The following WDFY4 variants were observed in gnomAD, a reference collection of about 807,000 sequenced individuals.
The protein encoded by WDFY4 is WD repeat- and FYVE domain-containing protein 4.
Under a neutral mutation model 351.9 loss-of-function variants are expected in WDFY4, and 169 were observed. The observed-to-expected ratio is 0.48, with a 90% confidence interval of 0.42 to 0.55. The LOEUF is 0.55. WDFY4 is among the 20% of genes least tolerant of loss of function. The pLI is 0.00. For synonymous variants in WDFY4, 1,622 were observed against 1,574.6 expected (o/e 1.03, Z -0.71); for missense variants, 3,803 against 3,935.6 (o/e 0.97, Z 0.90).
intron 39 of WDFY4, among the ~76,000 whole-genome samples, chr10:48,860,684 G>A (rs1218626109): frequency 2.6e-5 from 4 of 152,094 alleles, no homozygotes; most frequent in African/African-American, 7.2e-5. Context: ...CCTCTCAATA[G>A]TGATTTAGCT....
chr10:48,691,653 G>T (rs539721512), intron 1 of WDFY4, among the ~76,000 whole-genome samples: 1 of 152,348 alleles, frequency 6.6e-6, no homozygotes, highest in Non-Finnish European at 1.5e-5. Flanking sequence ...GGCATAAAGA[G>T]AAATATTTGT....
intron 13 of WDFY4, among the ~76,000 whole-genome samples, chr10:48,774,038 C>T (rs888894132): frequency 3.3e-5 from 5 of 152,228 alleles, no homozygotes; most frequent in African/African-American, 1.2e-4. Context: ...GCCAGATCGT[C>T]CCATCTTTTG....
intron 11 of WDFY4, chr10:48,736,296 A>G (rs2064665300): frequency 1.6e-6 from 1 of 618,854 alleles, no homozygotes; most frequent in East Asian, 2.7e-5. Flanking sequence ...ATGATTGGTG[A>G]CTGTCATTAA....
At chr10:48,796,210 G>C (rs2940706) in intron 23 of WDFY4, 88 bp from the exon 24 acceptor site, 87,263 of 1,427,286 alleles carry the variant, frequency 0.061, 3,321 homozygotes, top group African/African-American at 0.17. Flanking sequence ...AGAGCAGAAG[G>C]TTTGCAGACT....
At chr10:48,853,992 C>A (rs983493551) in intron 39 of WDFY4, among the ~76,000 whole-genome samples, 1 of 152,156 alleles carries the variant, frequency 6.6e-6, no homozygotes, top group Non-Finnish European at 1.5e-5. Flanking sequence ...AGAGTATAAC[C>A]AATTCTGGAC....
At chr10:48,916,015 A>AT (rs1277783891) in intron 47 of WDFY4, among the ~76,000 whole-genome samples, 2 of 152,212 alleles carry the variant, frequency 1.3e-5, no homozygotes, top group East Asian at 3.8e-4. Flanking sequence ...TCCAGTTAAG[A>AT]TTTTGTATGC....
At chr10:48,819,903 T>C (rs1484975690) in intron 32 of WDFY4, among the ~76,000 whole-genome samples, 1 of 152,178 alleles carries the variant, frequency 6.6e-6, no homozygotes. Context: ...ATGGTTTTTA[T>C]TGTCTCTATT....
chr10:48,887,771 TC>T (rs1266493867), intron 43 of WDFY4, among the ~76,000 whole-genome samples: 1 of 82,114 alleles, frequency 1.2e-5, no homozygotes, highest in Non-Finnish European at 2.7e-5. Flanking sequence ...AGAGCGAGAC[TC>T]CATCTCAAAA....
At chr10:48,727,441 C>T in intron 6 of WDFY4, 29 bp from the exon 7 acceptor site, 2 of 1,544,154 alleles carry the variant, frequency 1.3e-6, no homozygotes, top group African/African-American at 2.7e-5. Flanking sequence ...CCAAGCTCAG[C>T]AGGTCTCTCC....
intron 47 of WDFY4, among the ~76,000 whole-genome samples, chr10:48,918,750 G>C (rs914212005): frequency 1.5e-5 from 1 of 68,062 alleles, no homozygotes; most frequent in Non-Finnish European, 3.9e-5. Context: ...TTGTCAGCAG[G>C]GGGTAGGATG....
chr10:48,964,908 G>A (rs530316884), intron 54 of WDFY4, among the ~76,000 whole-genome samples: 1 of 152,272 alleles, frequency 6.6e-6, no homozygotes, highest in East Asian at 1.9e-4. Flanking sequence ...TGCAGTTAGT[G>A]CTAAACTAAC....
intron 47 of WDFY4, among the ~76,000 whole-genome samples, chr10:48,931,096 A>AACACACACACAC (rs10598078): frequency 6.7e-6 from 1 of 150,254 alleles, no homozygotes; most frequent in Non-Finnish European, 1.5e-5. Context: ...CTCACACTCA[A>AACACACACACAC]ACACACACAC....
chr10:48,828,686 T>C lies in WDFY4; in HGVS notation c.6222-92T>C, dbSNP rs908913356. The stretch of plus-strand genomic sequence containing the variant: ...TTTCCATATTGATATAGATAATTAT[T>C]GGAGGATGATTATTTGTAATAAAGA... On this transcript the variant is annotated intron_variant, in intron 36 of 61. Transcript: ENST00000325239. The C allele has an allele frequency of 1.3e-4, 97 of 728,124 alleles. No homozygotes were observed. The South Asian group carries it at 1.9e-3, about 14-fold the overall frequency. 45.1% of individuals were successfully genotyped at this position (728,124 alleles called of 1,614,324 possible). A position where few individuals can be genotyped will look rare whatever the true frequency, so the allele number is the denominator to read the frequency against.
At chr10:48,897,713 C>T in intron 45 of WDFY4, 139 bp downstream of exon 45, 2 of 1,331,230 alleles carry the variant, frequency 1.5e-6, no homozygotes, top group African/African-American at 1.5e-5. Context: ...TAAGGAGACA[C>T]CCGCAAGTTC....
chr10:48,821,225 C>T, intron 34 of WDFY4, 49 bp downstream of exon 34: 3 of 1,431,694 alleles, frequency 2.1e-6, no homozygotes, highest in Non-Finnish European at 1.9e-6. Context: ...AGGCTGCTGA[C>T]AGTGGAGAGG....
At chr10:48,977,255 G>A (rs1458436066) in intron 59 of WDFY4, among the ~76,000 whole-genome samples, 1 of 152,116 alleles carries the variant, frequency 6.6e-6, no homozygotes, top group South Asian at 2.1e-4. Context: ...AAGTTGAATG[G>A]TTAAATGCAA....
intron 23 of WDFY4, among the ~76,000 whole-genome samples, chr10:48,795,547 A>G (rs1354781807): frequency 1.4e-5 from 2 of 140,974 alleles, no homozygotes; most frequent in African/African-American, 5.4e-5. Context: ...ACACACATGA[A>G]TAGTCTGGAA....
intron 47 of WDFY4, among the ~76,000 whole-genome samples, chr10:48,912,256 G>A (rs1430255447): frequency 6.6e-6 from 1 of 152,244 alleles, no homozygotes; most frequent in Non-Finnish European, 1.5e-5. Flanking sequence ...AATGAACTAA[G>A]TTATGGTTCT....
At chr10:48,938,017 T>C (rs1840499789) in intron 47 of WDFY4, among the ~76,000 whole-genome samples, 1 of 152,222 alleles carries the variant, frequency 6.6e-6, no homozygotes. Context: ...ACTATTTTTC[T>C]CCTGTCCTGA....
Sources: allele counts gnomAD v4.1 joint callset (sites outside exome capture counted in the v4.1 genomes callset), GRCh38; gene constraint gnomAD v4.1.1; transcripts MANE v1.5; gene names NCBI Gene and HGNC (gene_info 2026-07-23, HGNC 2026-07-21).